Variants in THSD7A observed in about 807,000 individuals in gnomAD.
The protein encoded by THSD7A is thrombospondin type 1 domain containing 7A, also known as thrombospondin type-1 domain-containing protein 7A.
THSD7A carries 96 observed loss-of-function variants against 231.3 expected under a neutral mutation model. That is an observed-to-expected ratio of 0.41 (90% CI 0.35 to 0.49). The LOEUF (loss-of-function observed/expected upper bound fraction) is 0.49, where lower values mean the gene tolerates loss of function less well. THSD7A is among the 20% of genes least tolerant of loss of function. The pLI, the probability that THSD7A is intolerant of heterozygous loss-of-function variation, is 0.05. For missense variants in THSD7A, 2,290 were observed against 2,070.2 expected, an observed-to-expected ratio of 1.11 and a Z score of -2.06; for synonymous variants, 940 against 743.3, an observed-to-expected ratio of 1.26 and a Z score of -4.30.
intron 4 of THSD7A, among the ~76,000 whole-genome samples, chr7:11,563,315 C>T (rs1390746388): frequency 1.3e-5 from 2 of 152,098 alleles, no homozygotes; most frequent in Non-Finnish European, 2.9e-5. Context: ...CGCTTCAAAG[C>T]TCCCTGCCAG....
chr7:11,468,065 C>G (rs577861601), intron 9 of THSD7A, among the ~76,000 whole-genome samples: 1 of 151,990 alleles, frequency 6.6e-6, no homozygotes, highest in South Asian at 2.1e-4. Flanking sequence ...AAGAAAATAT[C>G]CAAAATAAGG....
chr7:11,403,790 G>C (rs559706772), intron 22 of THSD7A, among the ~76,000 whole-genome samples: 3 of 152,268 alleles, frequency 2.0e-5, no homozygotes, highest in East Asian at 3.9e-4. Flanking sequence ...ATGAGAGTGA[G>C]ATACTCCCTT....
chr7:11,624,994 G>T lies in THSD7A; in HGVS notation c.1022+11136C>A, dbSNP rs139525822. Among the ~76,000 whole-genome samples the T allele has an allele frequency of 3.6e-4, 55 of 152,134 alleles. No homozygotes were observed. In the Middle Eastern group the frequency reaches 0.01, roughly 28 times the overall value. On this transcript the variant is annotated intron_variant, in intron 2 of 27. Coordinates refer to ENST00000423059, the MANE Select transcript of THSD7A (RefSeq NM_015204.3). ...TGAACACCATTTTACAAACCAAAAT[G>T]TATCAGTATATCGTATATTGTATAA...
At position 11,403,733 on chromosome 7, in the gene THSD7A, C is replaced by T. The variant is rs542822978; in HGVS notation, c.4238-1765G>A. The stretch of plus-strand genomic sequence containing the variant: ...GATAGTCTGTGAGTTATGTAATTTT[C>T]GCCCCTAAGTAATACATGTCAGGCT... On this transcript the variant is annotated intron_variant, in intron 22 of 27. Transcript: ENST00000423059. Among the ~76,000 whole-genome samples, 170 of 152,208 alleles carry T rather than the reference C, an allele frequency of 1.1e-3. 4 individuals carry two copies. The South Asian group carries it at 0.028, about 25-fold the overall frequency.
At chr7:11,527,457 T>C (rs1397551727) in intron 6 of THSD7A, among the ~76,000 whole-genome samples, 1 of 152,178 alleles carries the variant, frequency 6.6e-6, no homozygotes, top group Non-Finnish European at 1.5e-5. Flanking sequence ...GGGCTAACTC[T>C]GCTTTTGTAA....
intron 16 of THSD7A, among the ~76,000 whole-genome samples, chr7:11,418,322 T>G (rs1296065538): frequency 6.6e-6 from 1 of 152,208 alleles, no homozygotes; most frequent in Admixed American, 6.5e-5. Flanking sequence ...TCCATTTTAT[T>G]CTCCTGTAAG....
chr7:11,700,758 T>C (rs769418507), intron 1 of THSD7A, among the ~76,000 whole-genome samples: 166 of 151,194 alleles, frequency 1.1e-3, no homozygotes, highest in Non-Finnish European at 1.5e-3. Context: ...CTTGCTCTTA[T>C]TGCCTTATCT....
intron 1 of THSD7A, among the ~76,000 whole-genome samples, chr7:11,663,065 A>C (rs1408063956): frequency 6.6e-6 from 1 of 151,304 alleles, no homozygotes; most frequent in African/African-American, 2.4e-5. Flanking sequence ...TAAGAGTAAA[A>C]ACTTAATTAA....
At chr7:11,706,395 G>T (rs1246528969) in intron 1 of THSD7A, among the ~76,000 whole-genome samples, 2 of 150,792 alleles carry the variant, frequency 1.3e-5, no homozygotes, top group African/African-American at 4.8e-5. Flanking sequence ...AAAACATGAT[G>T]AGTCTTAAGA....
At position 11,373,084 on chromosome 7, in the gene THSD7A, T is replaced by TAC. The variant is rs1288446080; in HGVS notation, c.*2709_*2710insGT. On this transcript the variant is annotated 3_prime_UTR_variant, in exon 28 of 28. Transcript: ENST00000423059. ...GTGTGTGTGTGTGTGTGTGTATATATATATATGCATGCATATATGCTGTAA... is the reference window on the plus strand; with the variant it reads ...GTGTGTGTGTGTGTGTGTGTATATATACATATATGCATGCATATATGCTGTAA... 1 of 151,722 alleles carries TAC rather than the reference T, an allele frequency of 6.6e-6. No individual in the cohort carries two copies. Among genetic ancestry groups the TAC allele is most frequent in the Non-Finnish European group, 1.5e-5 (1 of 67,844 alleles). The allele number at this position is 151,722 out of a possible 1,614,324, so 9.4% of individuals were successfully genotyped here.
At chr7:11,820,306 A>C (rs1784834490) in intron 1 of THSD7A, 14 of 628,902 alleles carry the variant, frequency 2.2e-5, no homozygotes, top group South Asian at 5.6e-5. Flanking sequence ...GAATTCCGTA[A>C]AGAGTGGACC....
intron 7 of THSD7A, among the ~76,000 whole-genome samples, chr7:11,475,329 T>C (rs534595340): frequency 6.6e-6 from 1 of 152,150 alleles, no homozygotes; most frequent in African/African-American, 2.4e-5. Flanking sequence ...GGGTACCGAA[T>C]TGGAACAGCA....
chr7:11,425,106 C>T (rs1583715501), intron 15 of THSD7A, among the ~76,000 whole-genome samples: 2 of 152,028 alleles, frequency 1.3e-5, no homozygotes, highest in East Asian at 3.9e-4. Context: ...CTATGCTGAC[C>T]CTTAACACAC....
chr7:11,782,947 G>A (rs558169659), intron 1 of THSD7A, among the ~76,000 whole-genome samples: 2 of 152,142 alleles, frequency 1.3e-5, no homozygotes, highest in East Asian at 3.9e-4. Flanking sequence ...TTTTTTGTTT[G>A]TTTGTTTTGG....
intron 7 of THSD7A, 130 bp downstream of exon 7, chr7:11,481,656 GAT>G: frequency 1.1e-6 from 1 of 902,218 alleles, no homozygotes; most frequent in South Asian, 2.2e-5. Context: ...CACATCAACA[GAT>G]ATTAAATCTT....
rs750540967 is a variant in THSD7A at position 11,406,282 on chromosome 7, C to G, written c.4237+18G>C. 6.3e-7 allele frequency: 1 copy of G among 1,590,368 alleles called. No individual in the cohort carries two copies. Among genetic ancestry groups the G allele is most frequent in the Non-Finnish European group, 8.5e-7 (1 of 1,169,714 alleles). On this transcript the variant is annotated intron_variant, in intron 22 of 27. Transcript: ENST00000423059. The surrounding 1 kb of genome is among the most constrained non-coding windows in gnomAD (Gnocchi z 4.7). ...GGAAAAAATAATCAGAATATGAATT[C>G]TCCTTTGCCGTTGTTACCTGGGCAA... is the stretch of plus-strand genomic sequence containing the variant.
At chr7:11,438,745 G>A (rs1387574855) in intron 13 of THSD7A, among the ~76,000 whole-genome samples, 2 of 151,928 alleles carry the variant, frequency 1.3e-5, no homozygotes, top group African/African-American at 4.8e-5. Flanking sequence ...TGTCCACATG[G>A]CAGTACCAAG....
chr7:11,688,198 T>A (rs1780120262), intron 1 of THSD7A, among the ~76,000 whole-genome samples: 1 of 151,556 alleles, frequency 6.6e-6, no homozygotes, highest in Non-Finnish European at 1.5e-5. Flanking sequence ...AGAATGACGG[T>A]TTCCCGCTTC....
chr7:11,424,734 C>T lies in THSD7A; in HGVS notation c.3345G>A (p.Arg1115=). Residue 1115 remains arginine (R), a synonymous_variant, in exon 16 of 28, where the codon CGG becomes CGA. Transcript: ENST00000423059. ...TTTGCACGCCCTCTCCACAGTTCTC[C>T]CGCATATTCACAAAGGTCACCTTGC... is the stretch of plus-strand genomic sequence containing the variant. ...SICKVTFVNM[R]ENCGEGVQTR... 2.5e-6 allele frequency: 4 copies of T among 1,613,980 alleles called. No homozygotes were observed. The highest frequency in any genetic ancestry group is 3.4e-6 in the Non-Finnish European group (4 of 1,179,878).
Sources: allele counts gnomAD v4.1 joint callset (sites outside exome capture counted in the v4.1 genomes callset), GRCh38; gene constraint gnomAD v4.1.1; non-coding constraint Gnocchi (gnomAD v3.1); transcripts MANE v1.5; gene names NCBI Gene and HGNC (gene_info 2026-07-23, HGNC 2026-07-21).